RILPL2: variants seen among roughly 807,000 people sequenced by gnomAD.
The protein encoded by RILPL2 is RILP-like protein 2.
A neutral mutation model predicts 22.2 loss-of-function variants in RILPL2; 19 were observed. The ratio of observed to expected loss-of-function variants is 0.86; its 90% CI spans 0.60 to 1.25. RILPL2 has a LOEUF of 1.25. Ranked by LOEUF, RILPL2 falls within the 50% of genes most tolerant of loss-of-function variation. RILPL2 has a pLI of 0.00. For synonymous variants in RILPL2, 123 were observed against 111.6 expected, an observed-to-expected ratio of 1.10 and a Z score of -0.64; for missense variants, 243 against 263.6, an observed-to-expected ratio of 0.92 and a Z score of 0.54.
Position 123,436,242 on chromosome 12 carries a change from C to G in RILPL2, c.179G>C (p.Arg60Pro). Residue 60 changes from arginine (R) to proline (P), a missense_variant, in exon 1 of 4, where the codon CGG becomes CCG. Transcript: ENST00000280571. The surrounding 1 kb of genome is among the most constrained non-coding windows in gnomAD (Gnocchi z 6.7). ...GACTTTGAACTGCAGCTGCGTCACC[C>G]GGGGGTCGCTGCCCAGGGCCATAAG... ...RELMALGSDPRVTQLQFKVVR... is the reference protein window; with the variant it reads ...RELMALGSDPPVTQLQFKVVR... 1 of 1,612,020 alleles carries G rather than the reference C, an allele frequency of 6.2e-7. No individual in the cohort carries two copies. Among genetic ancestry groups the G allele is most frequent in the Non-Finnish European group, 8.5e-7 (1 of 1,179,220 alleles).
rs139069655 is a variant in RILPL2 at position 123,423,054 on chromosome 12, T to C, written c.595A>G (p.Ile199Val). The C allele has an allele frequency of 1.2e-6, 2 of 1,612,136 alleles. No individual in the cohort carries two copies. The highest frequency in any genetic ancestry group is 2.7e-5 in the African/African-American group (2 of 74,824). Residue 199 changes from isoleucine to valine, a missense_variant, in exon 3 of 4, where the codon ATA (isoleucine) becomes GTA (valine). By Grantham distance (29) the Ile-to-Val change is conservative (BLOSUM62 3). Transcript: ENST00000280571. The stretch of plus-strand genomic sequence containing the variant: ...CAAGGTGACACTTACAGCTTTTTTA[T>C]GATTGTCTTCTCCTCCTTGTTCCTG... ...AGRNKEEKTI[I>V]KKLFFFRSGK...
chr12:123,415,658 T>C lies in RILPL2; in HGVS notation c.*233A>G. 1 of 634,672 alleles carries C rather than the reference T, an allele frequency of 1.6e-6. No homozygotes were observed. Among genetic ancestry groups the C allele is most frequent in the Non-Finnish European group, 2.8e-6 (1 of 354,118 alleles). The allele number at this position is 634,672 out of a possible 1,614,324, so 39.3% of individuals were successfully genotyped here. A position where few individuals can be genotyped will look rare whatever the true frequency, so the allele number is the denominator to read the frequency against. The stretch of plus-strand genomic sequence containing the variant: ...CCCACCCTGCACATCCCTTCTGTTT[T>C]TCTTGATTTCAGTCTCACTGGCCCA... On this transcript the variant is annotated 3_prime_UTR_variant, in exon 4 of 4. Transcript: ENST00000280571.
chr12:123,421,553 G>T (rs1054400484), intron 3 of RILPL2, among the ~76,000 whole-genome samples: 6 of 151,998 alleles, frequency 3.9e-5, no homozygotes, highest in East Asian at 1.9e-4. Flanking sequence ...TCTTCCTTTG[G>T]TTTTTTCCTG....
chr12:123,427,032 G>C (rs1879462238), intron 2 of RILPL2, among the ~76,000 whole-genome samples: 1 of 149,560 alleles, frequency 6.7e-6, no homozygotes, highest in Non-Finnish European at 1.5e-5. Flanking sequence ...TCCTAGTCTC[G>C]TGGGATCCTC....
At chr12:123,432,697 C>G (rs762679200) in intron 1 of RILPL2, among the ~76,000 whole-genome samples, 15 of 152,188 alleles carry the variant, frequency 9.9e-5, no homozygotes, top group Non-Finnish European at 2.2e-4. Context: ...TACCCAGCCC[C>G]TGTGCACACC....
intron 1 of RILPL2, among the ~76,000 whole-genome samples, chr12:123,432,162 G>T (rs1879671235): frequency 6.6e-6 from 1 of 152,084 alleles, no homozygotes; most frequent in South Asian, 2.1e-4. Context: ...CTCCCAAAGT[G>T]CTGGGATTAC....
chr12:123,430,564 G>C lies in RILPL2; in HGVS notation c.435C>G (p.Arg145=), dbSNP rs148523831. 57 of 1,613,130 alleles carry C rather than the reference G, an allele frequency of 3.5e-5. No individual in the cohort carries two copies. The African/African-American group carries it at 6.8e-4, about 19-fold the overall frequency. The change falls in exon 2 of 4, where the codon CGC becomes CGG. Residue 145 remains arginine, a synonymous_variant. Coordinates refer to ENST00000280571, the MANE Select transcript of RILPL2 (RefSeq NM_145058.3). ...LQELRDVLQE[R]NKLKSQLLVV... Reference sequence around the variant, plus strand: ...CCAGGAGCTGCGACTTGAGTTTGTTGCGTTCCTGCAGCACATCCCTTAGCT... The same window carrying C: ...CCAGGAGCTGCGACTTGAGTTTGTTCCGTTCCTGCAGCACATCCCTTAGCT...
intron 3 of RILPL2, among the ~76,000 whole-genome samples, chr12:123,418,639 T>C (rs1037808492): frequency 4.6e-5 from 7 of 151,994 alleles, no homozygotes; most frequent in Non-Finnish European, 1.0e-4. Context: ...CCTACTGTCC[T>C]GACACCTGGC....
At chr12:123,428,293 C>T (rs992590383) in intron 2 of RILPL2, among the ~76,000 whole-genome samples, 31 of 152,138 alleles carry the variant, frequency 2.0e-4, no homozygotes, top group Non-Finnish European at 4.1e-4. Context: ...CCCGCCACCA[C>T]GCCTGGCTAA....
chr12:123,430,289 G>A (rs1050622223), intron 2 of RILPL2, among the ~76,000 whole-genome samples: 3 of 151,248 alleles, frequency 2.0e-5, no homozygotes, highest in Non-Finnish European at 4.4e-5. Context: ...GGCGCCTGTA[G>A]TCCCAGCTAC....
chr12:123,413,651 C>G (rs961705884), downstream of RILPL2: 1 of 152,244 alleles, frequency 6.6e-6, no homozygotes, highest in Non-Finnish European at 1.5e-5. Flanking sequence ...GGAAAGGAAC[C>G]CGAGCGGGTT....
At chr12:123,430,275 G>A (rs1265710806) in intron 2 of RILPL2, among the ~76,000 whole-genome samples, 12 of 151,700 alleles carry the variant, frequency 7.9e-5, no homozygotes, top group Admixed American at 4.0e-4. Context: ...CAGGCACGGT[G>A]GCGGGCGCCT....
chr12:123,416,483 C>G (rs913562560), intron 3 of RILPL2, among the ~76,000 whole-genome samples: 3 of 151,450 alleles, frequency 2.0e-5, no homozygotes, highest in Non-Finnish European at 4.4e-5. Context: ...ACTAAAAATA[C>G]AAAAAATTAG....
intron 3 of RILPL2, 45 bp from the exon 4 acceptor site, chr12:123,415,966 A>T: frequency 5.0e-6 from 8 of 1,604,018 alleles, no homozygotes; most frequent in Non-Finnish European, 6.8e-6. Flanking sequence ...GAAGGAACAA[A>T]GCAAGGGGCA....
At chr12:123,428,642 G>A (rs905371206) in intron 2 of RILPL2, among the ~76,000 whole-genome samples, 6 of 152,104 alleles carry the variant, frequency 3.9e-5, no homozygotes, top group South Asian at 4.1e-4. Flanking sequence ...CCAAGCTTTC[G>A]TGATCTAAAT....
chr12:123,424,394 C>T (rs917799744), intron 2 of RILPL2, among the ~76,000 whole-genome samples: 1 of 144,294 alleles, frequency 6.9e-6, no homozygotes, highest in Non-Finnish European at 1.5e-5. Context: ...TGCAGTGGCA[C>T]GATCTCGGCT....
At chr12:123,422,385 G>A (rs570585368) in intron 3 of RILPL2, among the ~76,000 whole-genome samples, 20 of 151,990 alleles carry the variant, frequency 1.3e-4, no homozygotes, top group Non-Finnish European at 2.2e-4. Flanking sequence ...GCATGGTGGC[G>A]CATGCCTGTA....
chr12:123,423,261 G>A (rs1444220720), intron 2 of RILPL2, 104 bp from the exon 3 acceptor site: 5 of 723,986 alleles, frequency 6.9e-6, no homozygotes, highest in Admixed American at 3.0e-5. Flanking sequence ...GAGTGCAGTG[G>A]CGCCATCTCA....
intron 3 of RILPL2, among the ~76,000 whole-genome samples, chr12:123,417,540 T>G (rs1879151497): frequency 2.0e-5 from 3 of 151,224 alleles, no homozygotes; most frequent in Admixed American, 2.0e-4. Flanking sequence ...CAATCCCACC[T>G]CCATTCTCTT....
Sources: allele counts gnomAD v4.1 joint callset (sites outside exome capture counted in the v4.1 genomes callset), GRCh38; gene constraint gnomAD v4.1.1; non-coding constraint Gnocchi (gnomAD v3.1); transcripts MANE v1.5; gene names NCBI Gene and HGNC (gene_info 2026-07-23, HGNC 2026-07-21).